The following BRAF variants were observed in gnomAD, a reference collection of about 807,000 sequenced individuals.
BRAF encodes the protein serine/threonine-protein kinase B-raf.
Under a neutral mutation model 104.6 loss-of-function variants are expected in BRAF, and 16 were observed. The ratio of observed to expected loss-of-function variants is 0.15; its 90% confidence interval spans 0.10 to 0.23. BRAF has a LOEUF of 0.23. Among genes scored for constraint, BRAF ranks in the 10% least tolerant of loss-of-function variants. BRAF has a pLI of 1.00. For missense variants in BRAF, 541 were observed against 937.3 expected (o/e 0.58, Z 5.52); for synonymous variants, 310 against 341.6 (o/e 0.91, Z 1.02).
At chr7:140,801,698 T>C in intron 5 of BRAF, 138 bp from the exon 6 acceptor site, 1 of 992,032 alleles carries the variant, frequency 1.0e-6, no homozygotes, top group Non-Finnish European at 1.5e-6. Flanking sequence ...AGTACTATTA[T>C]AAAATGAAAA....
chr7:140,729,469 A>ACT (rs946575260), intron 19 of BRAF, among the ~76,000 whole-genome samples: 1 of 151,844 alleles, frequency 6.6e-6, no homozygotes, highest in South Asian at 2.1e-4. Context: ...ACATGGCGAA[A>ACT]CTCTCTCTCT....
At chr7:140,845,368 T>C (rs1161904201) in intron 2 of BRAF, among the ~76,000 whole-genome samples, 1 of 151,980 alleles carries the variant, frequency 6.6e-6, no homozygotes, top group African/African-American at 2.4e-5. Context: ...AAATAGATAA[T>C]TTGGACTAAA....
intron 8 of BRAF, among the ~76,000 whole-genome samples, chr7:140,791,128 C>A (rs986050): frequency 0.3 from 45,276 of 151,634 alleles, 10,767 homozygotes; most frequent in African/African-American, 0.66. Context: ...AAAAACAAAA[C>A]CCGAAAAACC....
intron 1 of BRAF, among the ~76,000 whole-genome samples, chr7:140,866,789 C>T (rs765864097): frequency 6.6e-6 from 1 of 152,002 alleles, no homozygotes; most frequent in African/African-American, 2.4e-5. Flanking sequence ...TAGGATGGTA[C>T]TTATAAGACT....
At chr7:140,813,367 T>C (rs1049726905) in intron 3 of BRAF, among the ~76,000 whole-genome samples, 1 of 151,338 alleles carries the variant, frequency 6.6e-6, no homozygotes, top group Non-Finnish European at 1.5e-5. Context: ...TTGGCAAAAA[T>C]CCAAAAAAAA....
intron 15 of BRAF, 36 bp downstream of exon 14, chr7:140,754,150 GT>G: frequency 6.3e-7 from 1 of 1,593,294 alleles, no homozygotes; most frequent in Non-Finnish European, 8.6e-7. Context: ...AAGTCAGGAT[GT>G]TTTCAAACTT....
intron 1 of BRAF, among the ~76,000 whole-genome samples, chr7:140,915,240 A>G (rs1817488069): frequency 6.6e-6 from 1 of 152,214 alleles, no homozygotes; most frequent in African/African-American, 2.4e-5. Flanking sequence ...AACCCCAAGC[A>G]GTACATTAAA....
intron 3 of BRAF, among the ~76,000 whole-genome samples, chr7:140,820,785 T>G (rs1805393725): frequency 6.6e-6 from 1 of 151,848 alleles, no homozygotes; most frequent in East Asian, 1.9e-4. Flanking sequence ...ACAAAAAAAT[T>G]TAAAAATTAG....
chr7:140,888,750 G>A (rs556594608), intron 1 of BRAF, among the ~76,000 whole-genome samples: 3 of 151,912 alleles, frequency 2.0e-5, no homozygotes, highest in Non-Finnish European at 4.4e-5. Flanking sequence ...CAAGAGAATC[G>A]CTTGAATCTG....
At position 140,734,786 on chromosome 7, in the gene BRAF, GA is replaced by G. The variant is rs370332827; in HGVS notation, c.2248-17del. 20 of 823,158 alleles carry G rather than the reference GA, an allele frequency of 2.4e-5. No individual in the cohort carries two copies. Among genetic ancestry groups the G allele is most frequent in the Admixed American group, 6.6e-5 (1 of 15,056 alleles). 51.0% of individuals were successfully genotyped at this position (823,158 alleles called of 1,614,324 possible). A position where few individuals can be genotyped will look rare whatever the true frequency, so the allele number is the denominator to read the frequency against. On this transcript the variant is annotated splice_polypyrimidine_tract_variant and intron_variant, in intron 18 of 19. Coordinates refer to ENST00000644969, the MANE Select transcript of BRAF (RefSeq NM_001374258.1). Reference sequence around the variant, plus strand: ...AGGCGAGAATCTACAAAAAAAAAAAGAAAAAAAAAAGAAAAAAAAAGAAAAA... The same window carrying G: ...AGGCGAGAATCTACAAAAAAAAAAAGAAAAAAAAAGAAAAAAAAAGAAAAA...
At chr7:140,876,473 C>T (rs1812276201) in intron 1 of BRAF, among the ~76,000 whole-genome samples, 1 of 151,924 alleles carries the variant, frequency 6.6e-6, no homozygotes. Flanking sequence ...CTAAACATGC[C>T]AAAATTACAT....
intron 14 of BRAF, chr7:140,757,986 TGCC>T (rs1562943722): frequency 6.6e-6 from 1 of 152,232 alleles, no homozygotes; most frequent in African/African-American, 2.4e-5. Flanking sequence ...AATATTGCTA[TGCC>T]ATTTGGCTAA....
In BRAF at chr7:140,924,769, G is replaced by A. The variant is rs1021652861; in HGVS notation, c.-66C>T. The A allele has an allele frequency of 4.3e-5, 26 of 601,118 alleles. No homozygotes were observed. The highest frequency in any genetic ancestry group is 1.8e-4 in the Admixed American group (6 of 32,776). The allele number at this position is 601,118 out of a possible 1,614,324, so 37.2% of individuals were successfully genotyped here. A position where few individuals can be genotyped will look rare whatever the true frequency, so the allele number is the denominator to read the frequency against. ...CGGGGAGGGGGAAGGGAGGCGGAGA[G>A]CTGGGGGAGGCGGAGGCGGAGGCGG... On this transcript the variant is annotated 5_prime_UTR_variant, in exon 1 of 20. Coordinates refer to ENST00000644969, the MANE Select transcript of BRAF (RefSeq NM_001374258.1). This position sits in a 1 kb window ranked among gnomAD's most constrained non-coding sequence, Gnocchi z 4.2.
intron 5 of BRAF, among the ~76,000 whole-genome samples, chr7:140,806,717 A>G (rs1803691096): frequency 6.6e-6 from 1 of 152,222 alleles, no homozygotes; most frequent in Non-Finnish European, 1.5e-5. Context: ...TTATCCACTT[A>G]AAATTCAACA....
chr7:140,830,921 G>C (rs914384645), intron 3 of BRAF, among the ~76,000 whole-genome samples: 2 of 152,182 alleles, frequency 1.3e-5, no homozygotes, highest in Non-Finnish European at 2.9e-5. Flanking sequence ...AGTGTTTCTT[G>C]AAGTTCTGTG....
Position 140,726,124 on chromosome 7 carries a change from A to C in BRAF, c.*370T>G. 2 of 1,105,920 alleles carry C rather than the reference A, an allele frequency of 1.8e-6. No individual in the cohort carries two copies. The highest frequency in any genetic ancestry group is 2.2e-6 in the Non-Finnish European group (2 of 906,196). The allele number at this position is 1,105,920 out of a possible 1,614,324, so 68.5% of individuals were successfully genotyped here. A position where few individuals can be genotyped will look rare whatever the true frequency, so the allele number is the denominator to read the frequency against. ...TCAGCCACAAATTGATCTGGTGGTT[A>C]GAAGGGCAAAGTTGACTGGCAGACT... On this transcript the variant is annotated 3_prime_UTR_variant, in exon 20 of 20. Transcript: ENST00000644969.
In BRAF at chr7:140,734,222, T is replaced by C. The variant is rs192498662; in HGVS notation, c.2401+395A>G. The C allele has an allele frequency of 9.9e-5, 113 of 1,137,754 alleles. 1 individual carries two copies. The African/African-American group carries it at 1.4e-3, about 14-fold the overall frequency. 70.5% of individuals were successfully genotyped at this position (1,137,754 alleles called of 1,614,324 possible). A position where few individuals can be genotyped will look rare whatever the true frequency, so the allele number is the denominator to read the frequency against. On this transcript the variant is annotated intron_variant, in intron 19 of 19. Transcript: ENST00000644969. ...AACTTCTCACCTGCAAACACAGGCA[T>C]AGGTAGGGTCTTCTTCTGGAGTCCC...
At chr7:140,734,457 C>A (rs1353310211) in intron 19 of BRAF, 23 of 1,561,326 alleles carry the variant, frequency 1.5e-5, no homozygotes, top group Non-Finnish European at 1.6e-5. Context: ...AAAATTATAT[C>A]TAGTCTTTAA....
At chr7:140,814,112 C>G (rs1183853960) in intron 3 of BRAF, among the ~76,000 whole-genome samples, 1 of 152,068 alleles carries the variant, frequency 6.6e-6, no homozygotes, top group East Asian at 1.9e-4. Context: ...TGCCTTTCCT[C>G]CAAATTCCAA....
Sources: allele counts gnomAD v4.1 joint callset (sites outside exome capture counted in the v4.1 genomes callset), GRCh38; gene constraint gnomAD v4.1.1; non-coding constraint Gnocchi (gnomAD v3.1); transcripts MANE v1.5; gene names NCBI Gene and HGNC (gene_info 2026-07-23, HGNC 2026-07-21).